The following CLASP1 variants were observed in gnomAD, a reference collection of about 807,000 sequenced individuals.
The protein encoded by CLASP1 is CLIP-associating protein 1.
Under a neutral mutation model 192.3 loss-of-function variants are expected in CLASP1, and 38 were observed. That is an observed-to-expected ratio of 0.20 (90% CI 0.15 to 0.26). The LOEUF (loss-of-function observed/expected upper bound fraction) is 0.26. Ranked by LOEUF, CLASP1 falls within the 10% of genes least tolerant of loss-of-function variation. The pLI is 1.00. For missense variants in CLASP1, 1,433 were observed against 1,932.5 expected, an observed-to-expected ratio of 0.74 and a Z score of 4.85; for synonymous variants, 691 against 712.8, an observed-to-expected ratio of 0.97 and a Z score of 0.49.
At chr2:121,544,907 C>CTTTTTTTTTTTTTTT (rs3078562) in intron 2 of CLASP1, among the ~76,000 whole-genome samples, 3 of 122,884 alleles carry the variant, frequency 2.4e-5, no homozygotes, top group Non-Finnish European at 3.5e-5. Context: ...CTTTTCTTTT[C>CTTTTTTTTTTTTTTT]TTTTTTTTTT....
chr2:121,418,668 A>G (rs1354285251), exon 23 of CLASP1: 2 of 1,613,766 alleles, frequency 1.2e-6, no homozygotes, highest in Non-Finnish European at 1.7e-6. Context: ...GGCTGCTCTC[A>G]CGGCTGGTAT....
chr2:121,373,894 T>G (rs1433153257), intron 34 of CLASP1, among the ~76,000 whole-genome samples: 3 of 151,926 alleles, frequency 2.0e-5, no homozygotes, highest in African/African-American at 7.3e-5. Flanking sequence ...GGAAGCAGAG[T>G]GTAAAAGTTT....
Position 121,410,856 on chromosome 2 carries a change from T to C in CLASP1, c.2424+10A>G. The C allele has an allele frequency of 6.4e-7, 1 of 1,558,052 alleles. No homozygotes were observed. Among genetic ancestry groups the C allele is most frequent in the East Asian group, 2.3e-5 (1 of 44,422 alleles). On this transcript the variant is annotated intron_variant, in intron 24 of 39. Transcript: ENST00000263710. ...AAAAAGACTGTGTACATACATACTGTGCCTCTTACCAAAGCATCAGCAACA... is the reference window on the plus strand; with the variant it reads ...AAAAAGACTGTGTACATACATACTGCGCCTCTTACCAAAGCATCAGCAACA...
chr2:121,577,265 C>A (rs941946221), intron 2 of CLASP1, among the ~76,000 whole-genome samples: 3 of 151,416 alleles, frequency 2.0e-5, no homozygotes, highest in African/African-American at 4.8e-5. Context: ...GAAAAAAGAT[C>A]CACCTTTATG....
intron 19 of CLASP1, among the ~76,000 whole-genome samples, chr2:121,444,173 A>C (rs1275281806): frequency 6.6e-6 from 1 of 152,250 alleles, no homozygotes; most frequent in Non-Finnish European, 1.5e-5. Flanking sequence ...CTATGTCTAA[A>C]ATTCAAAAGG....
intron 37 of CLASP1, among the ~76,000 whole-genome samples, chr2:121,349,950 C>G (rs1471336740): frequency 1.3e-5 from 2 of 152,146 alleles, no homozygotes; most frequent in Admixed American, 6.5e-5. Flanking sequence ...ATCTGTAAAA[C>G]AGGGACGTCA....
rs867584988 is a variant in CLASP1 at position 121,514,348 on chromosome 2, A to G, written c.644+1317T>C. The stretch of plus-strand genomic sequence containing the variant: ...ACAATCACGGTGACTTCGTCATTAA[A>G]CAGTCCCTTCCCTTGATATCATGCC... On this transcript the variant is annotated intron_variant, in intron 7 of 39. Transcript: ENST00000263710. 7.2e-5 allele frequency among the ~76,000 whole-genome samples: 11 copies of G among 152,244 alleles called. 1 individual carries two copies. Among genetic ancestry groups the G allele is most frequent in the Non-Finnish European group, 8.8e-5 (6 of 68,020 alleles).
chr2:121,388,640 T>C (rs771712351), intron 30 of CLASP1, among the ~76,000 whole-genome samples: 15 of 152,234 alleles, frequency 9.9e-5, no homozygotes, highest in Non-Finnish European at 1.8e-4. Context: ...ATGTGCTTTC[T>C]ATGGATTTAG....
chr2:121,375,530 A>T (rs2069889190), intron 34 of CLASP1, among the ~76,000 whole-genome samples: 2 of 151,810 alleles, frequency 1.3e-5, no homozygotes, highest in Non-Finnish European at 2.9e-5. Context: ...AGCCCAGCTA[A>T]TTTTTATATT....
intron 8 of CLASP1, among the ~76,000 whole-genome samples, chr2:121,497,643 T>C (rs1475123677): frequency 2.0e-5 from 3 of 152,204 alleles, no homozygotes; most frequent in Non-Finnish European, 4.4e-5. Flanking sequence ...TAGTAGACAT[T>C]AGATAAAGGA....
chr2:121,412,990 G>A (rs1390888564), intron 23 of CLASP1, among the ~76,000 whole-genome samples: 3 of 152,182 alleles, frequency 2.0e-5, no homozygotes, highest in Admixed American at 6.5e-5. Context: ...TGGGCACGGC[G>A]GCTTTGCCTG....
chr2:121,556,364 G>A (rs1279530829), intron 2 of CLASP1, among the ~76,000 whole-genome samples: 1 of 151,954 alleles, frequency 6.6e-6, no homozygotes, highest in Non-Finnish European at 1.5e-5. Flanking sequence ...CCCAGCTTGG[G>A]TAAGAGCCAG....
intron 7 of CLASP1, among the ~76,000 whole-genome samples, chr2:121,510,615 T>C (rs2094101997): frequency 6.6e-6 from 1 of 151,180 alleles, no homozygotes; most frequent in African/African-American, 2.4e-5. Context: ...CTGGGCAACA[T>C]GGCAAAACCC....
chr2:121,550,319 A>T (rs2057917345), intron 2 of CLASP1, among the ~76,000 whole-genome samples: 1 of 152,148 alleles, frequency 6.6e-6, no homozygotes. Context: ...ACAACCTAAC[A>T]TCACAACTGA....
intron 2 of CLASP1, among the ~76,000 whole-genome samples, chr2:121,574,729 G>A (rs935465434): frequency 1.3e-5 from 2 of 151,880 alleles, no homozygotes; most frequent in Non-Finnish European, 2.9e-5. Context: ...ACAAGGTCAG[G>A]AGTTCAAGAC....
At chr2:121,615,190 A>G (rs960059993) in intron 1 of CLASP1, among the ~76,000 whole-genome samples, 4 of 151,896 alleles carry the variant, frequency 2.6e-5, no homozygotes, top group African/African-American at 9.7e-5. Context: ...AAATACAAAA[A>G]TTAGCCGGGC....
At chr2:121,411,473 T>C (rs1473834234) in intron 23 of CLASP1, among the ~76,000 whole-genome samples, 3 of 152,248 alleles carry the variant, frequency 2.0e-5, no homozygotes, top group African/African-American at 4.8e-5. Context: ...CATTTAATTT[T>C]AGATACTTGT....
intron 2 of CLASP1, among the ~76,000 whole-genome samples, chr2:121,552,979 G>A (rs2058179565): frequency 6.6e-6 from 1 of 152,194 alleles, no homozygotes; most frequent in South Asian, 2.1e-4. Flanking sequence ...TGAAAAAGTG[G>A]TACATACATA....
At chr2:121,577,918 T>A (rs1356203405) in intron 2 of CLASP1, among the ~76,000 whole-genome samples, 10 of 151,952 alleles carry the variant, frequency 6.6e-5, no homozygotes, top group Non-Finnish European at 1.2e-4. Flanking sequence ...TACAAAAATT[T>A]CATTGACTGA....
Sources: allele counts gnomAD v4.1 joint callset (sites outside exome capture counted in the v4.1 genomes callset), GRCh38; gene constraint gnomAD v4.1.1; transcripts MANE v1.5; gene names NCBI Gene and HGNC (gene_info 2026-07-23, HGNC 2026-07-21).